Variants in GALNTL6 observed in about 807,000 individuals in gnomAD.
GALNTL6 encodes polypeptide N-acetylgalactosaminyltransferase-like 6.
Under a neutral mutation model 73.7 loss-of-function variants are expected in GALNTL6, and 46 were observed. The ratio of observed to expected loss-of-function variants is 0.62; its 90% confidence interval spans 0.49 to 0.80. GALNTL6 has a LOEUF of 0.80. GALNTL6 is among the 30% of genes least tolerant of loss of function. The probability of loss-of-function intolerance (pLI) is 0.00; values close to 1 mark genes in which losing one functional copy is unlikely to be tolerated. For missense variants in GALNTL6, 604 were observed against 755.0 expected (o/e 0.80, Z 2.34); for synonymous variants, 259 against 263.7 (o/e 0.98, Z 0.17).
chr4:172,143,814 A>G (rs1733860110), intron 2 of GALNTL6, among the ~76,000 whole-genome samples: 1 of 152,062 alleles, frequency 6.6e-6, no homozygotes, highest in Non-Finnish European at 1.5e-5. Flanking sequence ...TCATATCTTC[A>G]AGTGGAGCAT....
chr4:172,767,355 G>T (rs1020624082), intron 5 of GALNTL6, among the ~76,000 whole-genome samples: 2 of 152,182 alleles, frequency 1.3e-5, no homozygotes. Flanking sequence ...CAATGAAGAA[G>T]TGTAAAATGC....
At chr4:172,239,864 G>A (rs1737360841) in intron 3 of GALNTL6, among the ~76,000 whole-genome samples, 1 of 152,166 alleles carries the variant, frequency 6.6e-6, no homozygotes, top group African/African-American at 2.4e-5. Context: ...CAAGTGTTGA[G>A]TTCAGAATGC....
intron 2 of GALNTL6, among the ~76,000 whole-genome samples, chr4:171,851,170 A>C (rs1735513716): frequency 6.6e-6 from 1 of 152,200 alleles, no homozygotes. Flanking sequence ...CAAAGTAATA[A>C]GTATTTTAAA....
rs536404516 is a variant in GALNTL6, at chr4:172,673,949, G to A, written c.554-135412G>A. Among the ~76,000 whole-genome samples the A allele has an allele frequency of 6.0e-4, 92 of 152,210 alleles. 1 individual carries two copies. In the South Asian group the frequency reaches 0.016, roughly 26 times the overall value. On this transcript the variant is annotated intron_variant, in intron 5 of 12. Coordinates refer to ENST00000506823, the MANE Select transcript of GALNTL6 (RefSeq NM_001034845.3). ...GCCACTCAATGTCTTTTAATTGGGG[G>A]CATTTAGCCCATTTACATTCAAGGT...
intron 2 of GALNTL6, among the ~76,000 whole-genome samples, chr4:171,894,358 G>A (rs1276415987): frequency 6.6e-6 from 1 of 152,148 alleles, no homozygotes; most frequent in Non-Finnish European, 1.5e-5. Flanking sequence ...GATAGCCAGT[G>A]CATGTTGATG....
At chr4:172,193,338 G>A (rs933607826) in intron 2 of GALNTL6, among the ~76,000 whole-genome samples, 1 of 152,170 alleles carries the variant, frequency 6.6e-6, no homozygotes, top group Non-Finnish European at 1.5e-5. Context: ...TATCTTTGCT[G>A]TTTTTCAGCA....
intron 2 of GALNTL6, among the ~76,000 whole-genome samples, chr4:172,135,181 T>C (rs1269719519): frequency 6.6e-6 from 1 of 152,164 alleles, no homozygotes; most frequent in African/African-American, 2.4e-5. Context: ...TAAGCTATAC[T>C]TATAATTTTG....
intron 2 of GALNTL6, among the ~76,000 whole-genome samples, chr4:172,071,377 T>C (rs1318918393): frequency 9.0e-6 from 1 of 110,604 alleles, no homozygotes; most frequent in Non-Finnish European, 2.0e-5. Context: ...TGTTCATTTC[T>C]ACACTGATGA....
chr4:172,358,500 GA>G (rs1427749890), intron 5 of GALNTL6, among the ~76,000 whole-genome samples: 2 of 151,746 alleles, frequency 1.3e-5, no homozygotes, highest in African/African-American at 4.9e-5. Flanking sequence ...AACATTATGA[GA>G]TTTTTTTTTG....
intron 2 of GALNTL6, among the ~76,000 whole-genome samples, chr4:171,895,873 A>G (rs1736898921): frequency 6.6e-6 from 1 of 152,082 alleles, no homozygotes. Context: ...GATTAAAAAG[A>G]CCAAATGTAT....
At chr4:172,206,796 TGTTTTTCTG>T (rs1560969264) in intron 2 of GALNTL6, among the ~76,000 whole-genome samples, 2 of 30,984 alleles carry the variant, frequency 6.5e-5, no homozygotes, top group South Asian at 3.2e-3. Context: ...TGTTTTGTTT[TGTTTTTCTG>T]TTTTTTTTGT....
At chr4:172,357,502 C>A (rs1742200351) in intron 5 of GALNTL6, among the ~76,000 whole-genome samples, 1 of 152,000 alleles carries the variant, frequency 6.6e-6, no homozygotes, top group African/African-American at 2.4e-5. Context: ...AGTTACTGGG[C>A]AAATGTCCAG....
Position 172,986,081 on chromosome 4 carries a change from A to T in GALNTL6, c.1372-23097A>T, listed in dbSNP as rs192323507. ...TAGTTCAGGCTACCCCCAGCAATGG[A>T]CAAAGGCAGCTTGGAGGTTAGAAGC... On this transcript the variant is annotated intron_variant, in intron 10 of 12. Transcript: ENST00000506823. Among the ~76,000 whole-genome samples the T allele has an allele frequency of 2.6e-5, 4 of 152,352 alleles. No homozygotes were observed. The East Asian group carries it at 7.7e-4, about 29-fold the overall frequency.
chr4:172,083,813 T>C (rs1231666247), intron 2 of GALNTL6, among the ~76,000 whole-genome samples: 1 of 152,206 alleles, frequency 6.6e-6, no homozygotes, highest in Non-Finnish European at 1.5e-5. Flanking sequence ...TACTGACTAA[T>C]CTTATAACTG....
At chr4:172,563,652 C>G (rs1485754377) in intron 5 of GALNTL6, among the ~76,000 whole-genome samples, 1 of 152,194 alleles carries the variant, frequency 6.6e-6, no homozygotes, top group African/African-American at 2.4e-5. Flanking sequence ...GTTTTAATCT[C>G]AAGGCAGCTT....
At chr4:172,167,039 G>A (rs558705432) in intron 2 of GALNTL6, among the ~76,000 whole-genome samples, 5 of 152,068 alleles carry the variant, frequency 3.3e-5, no homozygotes, top group African/African-American at 4.8e-5. Context: ...ATTCTATCTC[G>A]TTGTACCTCA....
At chr4:171,986,510 G>A (rs1002741855) in intron 2 of GALNTL6, among the ~76,000 whole-genome samples, 4 of 152,046 alleles carry the variant, frequency 2.6e-5, no homozygotes, top group Non-Finnish European at 5.9e-5. Context: ...TGAAATAGTG[G>A]TAAAGTGTTG....
chr4:172,065,837 C>A (rs1321180070), intron 2 of GALNTL6, among the ~76,000 whole-genome samples: 1 of 152,166 alleles, frequency 6.6e-6, no homozygotes, highest in Non-Finnish European at 1.5e-5. Context: ...GGATTAGTGT[C>A]CAGTGAAGGG....
intron 2 of GALNTL6, among the ~76,000 whole-genome samples, chr4:172,219,199 GTA>G (rs34783084): frequency 0.53 from 61,685 of 116,202 alleles, 15,833 homozygotes; most frequent in East Asian, 0.8. Context: ...TTAAGCAAGT[GTA>G]TATATATATA....
Sources: gnomAD v4.1 joint callset for allele counts (sites outside exome capture counted in the v4.1 genomes callset) on GRCh38, gnomAD v4.1.1 for gene constraint, MANE v1.5 for transcripts, NCBI Gene and HGNC (gene_info 2026-07-23, HGNC 2026-07-21) for gene names.